The following TTC17 variants were observed in gnomAD, a reference collection of about 807,000 sequenced individuals.
TTC17 encodes the protein tetratricopeptide repeat protein 17.
Under a neutral mutation model 143.8 loss-of-function variants are expected in TTC17, and 58 were observed. The observed-to-expected ratio is 0.40, with a 90% CI of 0.33 to 0.50. The LOEUF is 0.50. Among genes scored for constraint, TTC17 ranks in the 20% least tolerant of loss-of-function variants. The pLI is 0.49. For missense variants in TTC17, 1,273 were observed against 1,392.5 expected (o/e 0.91, Z 1.37); for synonymous variants, 501 against 497.8 (o/e 1.01, Z -0.09).
At chr11:43,421,022 A>C (rs1412566899) in intron 16 of TTC17, among the ~76,000 whole-genome samples, 2 of 152,228 alleles carry the variant, frequency 1.3e-5, no homozygotes, top group African/African-American at 2.4e-5. Flanking sequence ...ACTATATGCC[A>C]GTCACTATTC....
chr11:43,418,108 T>A (rs868318656), intron 16 of TTC17, among the ~76,000 whole-genome samples: 9 of 152,198 alleles, frequency 5.9e-5, no homozygotes, highest in Admixed American at 1.3e-4. Context: ...GCTAAAAAAA[T>A]TTTTTTGTAC....
At chr11:43,441,606 T>C (rs139919894) in intron 16 of TTC17, among the ~76,000 whole-genome samples, 2,949 of 152,266 alleles carry the variant, frequency 0.019, 36 homozygotes, top group Non-Finnish European at 0.031. Context: ...CAGAGCACAC[T>C]TATAATCTAC....
chr11:43,456,601 A>G (rs1312083632), intron 21 of TTC17, among the ~76,000 whole-genome samples: 1 of 152,218 alleles, frequency 6.6e-6, no homozygotes, highest in African/African-American at 2.4e-5. Flanking sequence ...GCAACAAGAT[A>G]TGAAAGAACT....
intron 21 of TTC17, among the ~76,000 whole-genome samples, chr11:43,461,155 C>A (rs1412571004): frequency 5.3e-5 from 8 of 152,022 alleles, no homozygotes. Context: ...GAGGCCGAGG[C>A]GGGTGGATCA....
chr11:43,431,280 A>G (rs1442457897), intron 16 of TTC17, among the ~76,000 whole-genome samples: 2 of 152,218 alleles, frequency 1.3e-5, no homozygotes, highest in African/African-American at 2.4e-5. Context: ...TCCTTTGGTT[A>G]TATACCCAGT....
At chr11:43,366,060 A>G (rs965442558) in intron 1 of TTC17, among the ~76,000 whole-genome samples, 2 of 151,310 alleles carry the variant, frequency 1.3e-5, no homozygotes, top group African/African-American at 4.9e-5. Context: ...GGCTCACTAC[A>G]ACCTCCGCCT....
intron 18 of TTC17, chr11:43,445,841 G>A: frequency 1.4e-6 from 1 of 714,960 alleles, no homozygotes; most frequent in Admixed American, 2.1e-5. Flanking sequence ...GTGAGCCCAT[G>A]GGGGAAAAAT....
Position 43,494,001 on chromosome 11 carries a change from G to T in TTC17, c.*97G>T. ...TGTCAGTATCTACTATTAATGATGT[G>T]TGTGAAAATAACTAAGACTTATAAC... is the stretch of plus-strand genomic sequence containing the variant. On this transcript the variant is annotated 3_prime_UTR_variant, in exon 24 of 24. Transcript: ENST00000039989. The T allele has an allele frequency of 1.4e-6, 2 of 1,421,440 alleles. No individual in the cohort carries two copies. The highest frequency in any genetic ancestry group is 1.6e-5 in the South Asian group (1 of 61,902). 88.1% of individuals were successfully genotyped at this position (1,421,440 alleles called of 1,614,324 possible).
intron 2 of TTC17, among the ~76,000 whole-genome samples, chr11:43,379,935 G>GTT (rs199760648): frequency 6.7e-6 from 1 of 148,626 alleles, no homozygotes; most frequent in Admixed American, 6.7e-5. Context: ...GAAAAACTAG[G>GTT]TTTTTTTTTT....
intron 16 of TTC17, among the ~76,000 whole-genome samples, chr11:43,425,791 G>T (rs1947014972): frequency 6.6e-6 from 1 of 152,134 alleles, no homozygotes; most frequent in African/African-American, 2.4e-5. Context: ...AACCAGCAAA[G>T]TATATTTAAT....
Position 43,407,356 on chromosome 11 carries a change from A to T in TTC17, c.1843A>T (p.Asn615Tyr). 6.2e-7 allele frequency: 1 copy of T among 1,612,808 alleles called. No homozygotes were observed. The highest frequency in any genetic ancestry group is 8.5e-7 in the Non-Finnish European group (1 of 1,179,354). The change falls in exon 15 of 24, where the codon AAT (asparagine) becomes TAT (tyrosine). Residue 615 changes from asparagine (N) to tyrosine (Y), a missense_variant. This residue lies in a region of TTC17 where 878 missense variants were observed against 899.8 expected (regional missense o/e 0.98). Coordinates refer to ENST00000039989, the MANE Select transcript of TTC17 (RefSeq NM_018259.6). ...GAAGTATTTTTGGATTTTTCAGCCA[A>T]ATGCTCCTATCTGGCTCATACTCAA... ...SFLFHAINKP[N>Y]APIWLILNEA...
At chr11:43,489,451 A>G (rs1948434216) in intron 21 of TTC17, among the ~76,000 whole-genome samples, 1 of 152,122 alleles carries the variant, frequency 6.6e-6, no homozygotes, top group Non-Finnish European at 1.5e-5. Flanking sequence ...AAATTGTTAT[A>G]ATCCGGGTGG....
intron 16 of TTC17, among the ~76,000 whole-genome samples, chr11:43,427,894 A>G (rs993635754): frequency 3.3e-5 from 5 of 152,204 alleles, no homozygotes; most frequent in African/African-American, 4.8e-5. Context: ...AGCTGATGAT[A>G]TTTCAAGTCT....
At chr11:43,359,235 G>A in intron 1 of TTC17, 122 bp downstream of exon 1, 2 of 1,264,990 alleles carry the variant, frequency 1.6e-6, no homozygotes, top group Non-Finnish European at 2.1e-6. Flanking sequence ...ACAGGGAGGT[G>A]GCACCGCGAC....
At chr11:43,363,956 T>TG (rs1306241184) in intron 1 of TTC17, among the ~76,000 whole-genome samples, 1 of 152,008 alleles carries the variant, frequency 6.6e-6, no homozygotes, top group Non-Finnish European at 1.5e-5. Context: ...TAAGTGGGTG[T>TG]GGAAGGGTCC....
intron 16 of TTC17, among the ~76,000 whole-genome samples, chr11:43,418,868 T>C (rs1946837543): frequency 6.6e-6 from 1 of 152,236 alleles, no homozygotes; most frequent in Admixed American, 6.5e-5. Flanking sequence ...AAAATATTTT[T>C]GAAATACTAA....
intron 21 of TTC17, among the ~76,000 whole-genome samples, chr11:43,482,878 G>C (rs1948313292): frequency 6.6e-6 from 1 of 151,926 alleles, no homozygotes; most frequent in African/African-American, 2.4e-5. Flanking sequence ...CAATGAAATA[G>C]AAAACAAAGA....
At position 43,405,497 on chromosome 11, in the gene TTC17, T is replaced by C; in HGVS notation, c.1480-17T>C. Reference sequence around the variant, plus strand: ...TGAATCCAAAGAAATTTATGAGAAATTTTGTTTCTTTATCAGGACAAACAG... The same window carrying C: ...TGAATCCAAAGAAATTTATGAGAAACTTTGTTTCTTTATCAGGACAAACAG... On this transcript the variant is annotated splice_polypyrimidine_tract_variant and intron_variant, in intron 11 of 23. Transcript: ENST00000039989. 1 of 1,590,528 alleles carries C rather than the reference T, an allele frequency of 6.3e-7. No homozygotes were observed. The highest frequency in any genetic ancestry group is 8.6e-7 in the Non-Finnish European group (1 of 1,163,050).
chr11:43,374,024 A>G (rs923308224), intron 1 of TTC17, among the ~76,000 whole-genome samples: 2 of 152,160 alleles, frequency 1.3e-5, no homozygotes, highest in African/African-American at 4.8e-5. Flanking sequence ...GCTTTAGCAG[A>G]TGGAGTTGGA....
Sources: gnomAD v4.1 joint callset for allele counts (sites outside exome capture counted in the v4.1 genomes callset) on GRCh38, gnomAD v4.1.1 for gene constraint, gnomAD v4.1.1 regional missense constraint, MANE v1.5 for transcripts, NCBI Gene and HGNC (gene_info 2026-07-23, HGNC 2026-07-21) for gene names.